Variants in PLEKHG3 observed in about 807,000 individuals in gnomAD.
PLEKHG3 encodes the protein pleckstrin homology and RhoGEF domain containing G3, also known as pleckstrin homology domain-containing family G member 3.
Under a neutral mutation model 94.9 loss-of-function variants are expected in PLEKHG3, and 62 were observed. The ratio of observed to expected loss-of-function variants is 0.65; its 90% CI spans 0.53 to 0.81. PLEKHG3 has a LOEUF of 0.81. Among genes scored for constraint, PLEKHG3 ranks in the 30% least tolerant of loss-of-function variants. The pLI, the probability that PLEKHG3 is intolerant of heterozygous loss-of-function variation, is 0.00. For missense variants in PLEKHG3, 1,461 were observed against 1,619.3 expected (o/e 0.90, Z 1.68); for synonymous variants, 614 against 654.0 (o/e 0.94, Z 0.93).
At position 64,730,808 on chromosome 14, in the gene PLEKHG3, C is replaced by G; in HGVS notation, c.576C>G (p.Ala192=). ...CTTCTCCCACTCCCAGCTCCGTGGC[C>G]GCCCTGACGGAATGCATGCGGGACA... ...QYCNNYPNSV[A]ALTECMRDKQ... is the part of the protein sequence containing the mutation. Residue 192 remains alanine, a synonymous_variant, in exon 6 of 17, where the codon GCC becomes GCG. Coordinates refer to ENST00000247226, the MANE Select transcript of PLEKHG3 (RefSeq NM_001308147.2). This position sits in a 1 kb window ranked among gnomAD's most constrained non-coding sequence, Gnocchi z 5.4. 6.2e-7 allele frequency: 1 copy of G among 1,613,234 alleles called. No individual in the cohort carries two copies. Among genetic ancestry groups the G allele is most frequent in the Non-Finnish European group, 8.5e-7 (1 of 1,179,610 alleles).
chr14:64,749,003 A>C lies in PLEKHG3; in HGVS notation c.*5300A>C. 1 of 222,056 alleles carries C rather than the reference A, an allele frequency of 4.5e-6. No homozygotes were observed. The highest frequency in any genetic ancestry group is 8.1e-6 in the Non-Finnish European group (1 of 123,116). The allele number at this position is 222,056 out of a possible 1,614,324, so 13.8% of individuals were successfully genotyped here. On this transcript the variant is annotated 3_prime_UTR_variant, in exon 17 of 17. Transcript: ENST00000247226. This position sits in a 1 kb window ranked among gnomAD's most constrained non-coding sequence, Gnocchi z 4.7. ...CCCCTCGGCTCAGGAGGAGGGTGGG[A>C]GAGGAGGGCGTGTGCCTCAGAGAAC... is the stretch of plus-strand genomic sequence containing the variant.
chr14:64,740,903 C>A, intron 15 of PLEKHG3, 133 bp from the exon 16 acceptor site: 1 of 682,270 alleles, frequency 1.5e-6, no homozygotes, highest in Non-Finnish European at 2.5e-6. Context: ...AAGTCGTGCT[C>A]ATTCTGATTG....
Position 64,737,266 on chromosome 14 carries a change from C to T in PLEKHG3, c.1385-90C>T, listed in dbSNP as rs976943705. 4.1e-5 allele frequency: 39 copies of T among 958,732 alleles called. No individual in the cohort carries two copies. The African/African-American group carries it at 5.8e-4, about 14-fold the overall frequency. The allele number at this position is 958,732 out of a possible 1,614,324, so 59.4% of individuals were successfully genotyped here. A position where few individuals can be genotyped will look rare whatever the true frequency, so the allele number is the denominator to read the frequency against. On this transcript the variant is annotated intron_variant, in intron 13 of 16. Coordinates refer to ENST00000247226, the MANE Select transcript of PLEKHG3 (RefSeq NM_001308147.2). ...GTGAGGACTTCCCCAGGGAGCTGTC[C>T]AGAGGTCTTTTTCCTGCTTACTGAT... is the stretch of plus-strand genomic sequence containing the variant.
Position 64,743,784 on chromosome 14 carries a change from TG to T in PLEKHG3, c.*83del. 1 of 1,417,052 alleles carries T rather than the reference TG, an allele frequency of 7.1e-7. No individual in the cohort carries two copies. The highest frequency in any genetic ancestry group is 9.3e-7 in the Non-Finnish European group (1 of 1,069,854). 87.8% of individuals were successfully genotyped at this position (1,417,052 alleles called of 1,614,324 possible). ...ATCCTTCCCCTCAAGCCTGGGCTCA[TG>T]GAGCCCCTGCCCAGGGCCCTCAGGT... On this transcript the variant is annotated 3_prime_UTR_variant, in exon 17 of 17. Transcript: ENST00000247226. This position sits in a 1 kb window ranked among gnomAD's most constrained non-coding sequence, Gnocchi z 7.2.
rs764926223 is a variant in PLEKHG3, at chr14:64,731,156, C to A, written c.836C>A (p.Ala279Glu). The A allele has an allele frequency of 6.5e-7, 1 of 1,527,956 alleles. No individual in the cohort carries two copies. Among genetic ancestry groups the A allele is most frequent in the Non-Finnish European group, 8.9e-7 (1 of 1,124,074 alleles). 94.6% of individuals were successfully genotyped at this position (1,527,956 alleles called of 1,614,324 possible). ...GACATGAAGAGGAGGCATGAGCACG[C>A]GGTCCGGCTCCAGGTGCTCTGGGGC... Reference protein sequence around the residue: ...INDMKRRHEHAVRLQEIQSLL... With the variant: ...INDMKRRHEHEVRLQEIQSLL... Residue 279 changes from alanine to glutamate, a missense_variant, in exon 7 of 17, where the codon GCG becomes GAG. Physicochemically the swap from Ala to Glu is moderately radical, Grantham distance 107. Transcript: ENST00000247226. This position sits in a 1 kb window ranked among gnomAD's most constrained non-coding sequence, Gnocchi z 6.1.
rs1287662059 is a variant in PLEKHG3 at position 64,726,821 on chromosome 14, A to G, written c.-39-772A>G. Among the ~76,000 whole-genome samples, 3 of 152,198 alleles carry G rather than the reference A, an allele frequency of 2.0e-5. No individual in the cohort carries two copies. Among genetic ancestry groups the G allele is most frequent in the Non-Finnish European group, 4.4e-5 (3 of 68,034 alleles). On this transcript the variant is annotated intron_variant, in intron 1 of 16. Transcript: ENST00000247226. This position sits in a 1 kb window ranked among gnomAD's most constrained non-coding sequence, Gnocchi z 5.1. The stretch of plus-strand genomic sequence containing the variant: ...GGGGATAATGCTGGCTCAGCCAGTC[A>G]GTATCCAGAAAGTTTCAGGTTTGTG...
Position 64,731,904 on chromosome 14 carries a change from C to T in PLEKHG3, c.1125+98C>T. ...CTCTGCTCACCTAGCTGCCCCAAGC[C>T]CCAGTGTCTCCATCTGTGAGGCAAG... is the stretch of plus-strand genomic sequence containing the variant. On this transcript the variant is annotated intron_variant, in intron 9 of 16. Coordinates refer to ENST00000247226, the MANE Select transcript of PLEKHG3 (RefSeq NM_001308147.2). The surrounding 1 kb of genome is among the most constrained non-coding windows in gnomAD (Gnocchi z 6.1). The T allele has an allele frequency of 2.2e-6, 2 of 924,474 alleles. No homozygotes were observed. The highest frequency in any genetic ancestry group is 3.5e-6 in the Non-Finnish European group (2 of 571,360). The allele number at this position is 924,474 out of a possible 1,614,324, so 57.3% of individuals were successfully genotyped here.
At chr14:64,737,766 GCTTT>G in intron 14 of PLEKHG3, 2 of 562,792 alleles carry the variant, frequency 3.6e-6, no homozygotes, top group Non-Finnish European at 5.2e-6. Flanking sequence ...TCTAGGTGTG[GCTTT>G]CTGTGTGAAG....
At position 64,731,527 on chromosome 14, in the gene PLEKHG3, A is replaced by T; in HGVS notation, c.1016A>T (p.Tyr339Phe). 1.2e-6 allele frequency: 2 copies of T among 1,613,976 alleles called. No individual in the cohort carries two copies. Among genetic ancestry groups the T allele is most frequent in the Non-Finnish European group, 1.7e-6 (2 of 1,179,954 alleles). The change falls in exon 8 of 17, where the codon TAC becomes TTC. Residue 339 changes from tyrosine (Y) to phenylalanine (F), a missense_variant. Tyr to Phe is a conservative substitution (Grantham distance 22, BLOSUM62 3). This residue lies in a region of PLEKHG3 where 1,201 missense variants were observed against 1,295.5 expected (regional missense o/e 0.93). Transcript: ENST00000247226. The surrounding 1 kb of genome is among the most constrained non-coding windows in gnomAD (Gnocchi z 6.1). Reference sequence around the variant, plus strand: ...AAGAAGCGGGGCGATCACTTTGTCTACAAGGGCAACATCCCGGTAACCAGG... The same window carrying T: ...AAGAAGCGGGGCGATCACTTTGTCTTCAAGGGCAACATCCCGGTAACCAGG... ...ITKKRGDHFV[Y>F]KGNIPCSSLM... is the part of the protein sequence containing the mutation.
intron 1 of PLEKHG3, among the ~76,000 whole-genome samples, chr14:64,712,875 T>A (rs981019521): frequency 2.6e-5 from 4 of 152,250 alleles, no homozygotes; most frequent in African/African-American, 9.6e-5. Flanking sequence ...GATATCCTTG[T>A]CTTCTTACTA....
intron 1 of PLEKHG3, among the ~76,000 whole-genome samples, chr14:64,705,164 C>A (rs996753301): frequency 6.6e-6 from 1 of 152,196 alleles, no homozygotes; most frequent in Non-Finnish European, 1.5e-5. Flanking sequence ...CCGCACGGTG[C>A]TCGCTGTTGG....
Position 64,743,358 on chromosome 14 carries a change from G to A in PLEKHG3, c.3315G>A (p.Arg1105=), listed in dbSNP as rs2081759852. The change falls in exon 17 of 17, where the codon AGG becomes AGA. Residue 1105 remains arginine (R), a synonymous_variant. Transcript: ENST00000247226. This position sits in a 1 kb window ranked among gnomAD's most constrained non-coding sequence, Gnocchi z 7.2. ...VGRCRSLSTK[R]GRGGGEAAQS... ...GCTGCCGCAGCCTGAGCACCAAGAG[G>A]GGCCGGGGAGGCGGAGAGGCTGCCC... 2 of 1,607,518 alleles carry A rather than the reference G, an allele frequency of 1.2e-6. No homozygotes were observed. The highest frequency in any genetic ancestry group is 1.7e-6 in the Non-Finnish European group (2 of 1,177,032).
In PLEKHG3 at chr14:64,742,217, G is replaced by GCA. The variant is rs763630942; in HGVS notation, c.2700_2701insCA (p.Ala901GlnfsTer14). On this transcript the variant is annotated frameshift_variant, in exon 16 of 17. Coordinates refer to ENST00000247226, the MANE Select transcript of PLEKHG3 (RefSeq NM_001308147.2). LOFTEE classifies it high-confidence loss of function. Reference sequence around the variant, plus strand: ...GCAGCAGTACCCAGGGGGAGCTGGTGGCCCCACTGCACCCCCGCATCGTGC... The same window carrying GCA: ...GCAGCAGTACCCAGGGGGAGCTGGTGCAGCCCCACTGCACCCCCGCATCGTGC... The GCA allele has an allele frequency of 6.2e-7, 1 of 1,613,034 alleles. No individual in the cohort carries two copies. Among genetic ancestry groups the GCA allele is most frequent in the Non-Finnish European group, 8.5e-7 (1 of 1,179,966 alleles).
In PLEKHG3 at chr14:64,749,862, G is replaced by A; in HGVS notation, c.*6159G>A. Reference sequence around the variant, plus strand: ...TCTGGACCATCAGCCTCTTTGATTTGAAAAACCCCTGAGGAGCAGCTCAGG... The same window carrying A: ...TCTGGACCATCAGCCTCTTTGATTTAAAAAACCCCTGAGGAGCAGCTCAGG... On this transcript the variant is annotated 3_prime_UTR_variant, in exon 17 of 17. Transcript: ENST00000247226. The surrounding 1 kb of genome is among the most constrained non-coding windows in gnomAD (Gnocchi z 4.7). 5 of 1,521,450 alleles carry A rather than the reference G, an allele frequency of 3.3e-6. No individual in the cohort carries two copies. The highest frequency in any genetic ancestry group is 4.5e-6 in the Non-Finnish European group (5 of 1,101,404). 94.2% of individuals were successfully genotyped at this position (1,521,450 alleles called of 1,614,324 possible).
Position 64,745,582 on chromosome 14 carries a change from G to C in PLEKHG3, c.*1879G>C, listed in dbSNP as rs2139403224. The C allele has an allele frequency of 6.6e-6, 1 of 152,366 alleles. No homozygotes were observed. Among genetic ancestry groups the C allele is most frequent in the Admixed American group, 6.5e-5 (1 of 15,298 alleles). The allele number at this position is 152,366 out of a possible 1,614,324, so 9.4% of individuals were successfully genotyped here. On this transcript the variant is annotated 3_prime_UTR_variant, in exon 17 of 17. Coordinates refer to ENST00000247226, the MANE Select transcript of PLEKHG3 (RefSeq NM_001308147.2). The surrounding 1 kb of genome is among the most constrained non-coding windows in gnomAD (Gnocchi z 5.0). The stretch of plus-strand genomic sequence containing the variant: ...CCCTCACACTGTCCAGTGCCCTTGT[G>C]GTTACTCAGCATCATATCTTGAGAC...
At chr14:64,737,990 G>GGAA (rs1566713412) in intron 14 of PLEKHG3, 3 of 1,254,732 alleles carry the variant, frequency 2.4e-6, no homozygotes, top group Non-Finnish European at 2.1e-6. Flanking sequence ...AGGAGGAGGA[G>GGAA]GAGGAGGAGG....
rs1337749663 is a variant in PLEKHG3 at position 64,716,976 on chromosome 14, C to T, written c.-39-10617C>T. On this transcript the variant is annotated intron_variant, in intron 1 of 16. Coordinates refer to ENST00000247226, the MANE Select transcript of PLEKHG3 (RefSeq NM_001308147.2). This position sits in a 1 kb window ranked among gnomAD's most constrained non-coding sequence, Gnocchi z 5.0. The stretch of plus-strand genomic sequence containing the variant: ...TTCTTAGGCGTCTCTGGTGAGGCCC[C>T]TTAGTAGGGGAAGCGGGGAACATGG... Among the ~76,000 whole-genome samples the T allele has an allele frequency of 1.3e-5, 2 of 152,130 alleles. No individual in the cohort carries two copies. The highest frequency in any genetic ancestry group is 3.9e-4 in the East Asian group (2 of 5,188).
At chr14:64,729,957 C>T (rs1437825024) in intron 3 of PLEKHG3, among the ~76,000 whole-genome samples, 1 of 152,248 alleles carries the variant, frequency 6.6e-6, no homozygotes, top group Non-Finnish European at 1.5e-5. Context: ...CTTCTGCCTG[C>T]AGAGGAGCTG....
chr14:64,716,459 CACACACAACACACACACACACA>C lies in PLEKHG3; in HGVS notation c.-39-11126_-39-11105del, dbSNP rs1566693832. ...CTACACACACACACACACACACACA[CACACACAACACACACACACACA>C]ACACACACACACACAACACACACAC... On this transcript the variant is annotated intron_variant, in intron 1 of 16. Transcript: ENST00000247226. This position sits in a 1 kb window ranked among gnomAD's most constrained non-coding sequence, Gnocchi z 5.0. Among the ~76,000 whole-genome samples the C allele has an allele frequency of 8.2e-6, 1 of 121,356 alleles. No individual in the cohort carries two copies. The highest frequency in any genetic ancestry group is 1.8e-5 in the Non-Finnish European group (1 of 55,496). The allele number at this position is 121,356 out of a possible 152,430, so 79.6% of individuals were successfully genotyped here.
Sources: gnomAD v4.1 joint callset for allele counts (sites outside exome capture counted in the v4.1 genomes callset) on GRCh38, gnomAD v4.1.1 for gene constraint, gnomAD v4.1.1 regional missense constraint, Gnocchi (gnomAD v3.1) non-coding constraint, MANE v1.5 for transcripts, NCBI Gene and HGNC (gene_info 2026-07-23, HGNC 2026-07-21) for gene names.